VPS41: variants seen among roughly 807,000 people sequenced by gnomAD.
VPS41 encodes the protein vacuolar protein sorting-associated protein 41 homolog.
Under a neutral mutation model 130.9 loss-of-function variants are expected in VPS41, and 85 were observed. That is an observed-to-expected ratio of 0.65 (90% CI 0.55 to 0.78). VPS41 has a LOEUF of 0.78. VPS41 is among the 30% of genes least tolerant of loss of function. The pLI is 0.00. For missense variants in VPS41, 874 were observed against 1,018.7 expected, an observed-to-expected ratio of 0.86 and a Z score of 1.93; for synonymous variants, 335 against 332.9, an observed-to-expected ratio of 1.01 and a Z score of -0.07.
At chr7:38,787,472 A>G (rs1784460840) in intron 10 of VPS41, among the ~76,000 whole-genome samples, 2 of 152,238 alleles carry the variant, frequency 1.3e-5, no homozygotes, top group Admixed American at 1.3e-4. Flanking sequence ...AGCCCTATGT[A>G]TAGAGAATCT....
intron 16 of VPS41, 65 bp downstream of exon 16, chr7:38,765,515 G>T: frequency 9.1e-7 from 1 of 1,094,474 alleles, no homozygotes; most frequent in Non-Finnish European, 1.3e-6. Context: ...TATTATCTTT[G>T]TTTCCACTGC....
At chr7:38,839,687 T>G (rs1343811886) in intron 4 of VPS41, among the ~76,000 whole-genome samples, 1 of 152,110 alleles carries the variant, frequency 6.6e-6, no homozygotes, top group Admixed American at 6.5e-5. Context: ...CGCCTCGGCC[T>G]CCCAAAGTGC....
At chr7:38,791,686 G>A (rs1407998106) in intron 9 of VPS41, among the ~76,000 whole-genome samples, 4 of 152,136 alleles carry the variant, frequency 2.6e-5, no homozygotes, top group Non-Finnish European at 5.9e-5. Flanking sequence ...AGGGCATGGG[G>A]GAAGAAGGGG....
At position 38,754,691 on chromosome 7, in the gene VPS41, G is replaced by T. The variant is rs760811325; in HGVS notation, c.1788+11C>A. On this transcript the variant is annotated intron_variant, in intron 21 of 28. Coordinates refer to ENST00000310301, the MANE Select transcript of VPS41 (RefSeq NM_014396.4). ...ATCAAAAGGGCAAAAGGAGGAGACT[G>T]CCATGCTCACCACATGCTGTAGCTC... 1.5e-5 allele frequency: 24 copies of T among 1,611,898 alleles called. No homozygotes were observed. The Admixed American group carries it at 4.0e-4, about 27-fold the overall frequency.
chr7:38,871,250 G>A (rs1237828687), intron 2 of VPS41, among the ~76,000 whole-genome samples: 1 of 152,220 alleles, frequency 6.6e-6, no homozygotes. Flanking sequence ...ACGACTTGTA[G>A]AGTAATAAGT....
intron 5 of VPS41, among the ~76,000 whole-genome samples, chr7:38,828,463 C>T (rs1016095184): frequency 1.3e-5 from 2 of 152,064 alleles, no homozygotes; most frequent in African/African-American, 4.8e-5. Context: ...CCTTAACACA[C>T]TGAAGAAAGG....
chr7:38,825,658 A>T (rs1279083422), intron 5 of VPS41, among the ~76,000 whole-genome samples: 1 of 152,204 alleles, frequency 6.6e-6, no homozygotes, highest in Non-Finnish European at 1.5e-5. Flanking sequence ...CCTAATGAAG[A>T]AAAAGAGAAA....
chr7:38,886,582 G>A (rs991552369), intron 2 of VPS41, among the ~76,000 whole-genome samples: 2 of 152,206 alleles, frequency 1.3e-5, no homozygotes, highest in South Asian at 4.1e-4. Flanking sequence ...TTCCACCTCT[G>A]GGGGCAGGGT....
intron 18 of VPS41, among the ~76,000 whole-genome samples, chr7:38,757,339 C>A (rs1049012805): frequency 1.3e-5 from 2 of 152,086 alleles, no homozygotes; most frequent in Admixed American, 1.3e-4. Flanking sequence ...ACATCCGTTC[C>A]AATTCTTACA....
chr7:38,759,947 C>CAT (rs1490990655), intron 17 of VPS41, among the ~76,000 whole-genome samples: 1 of 152,146 alleles, frequency 6.6e-6, no homozygotes, highest in Admixed American at 6.5e-5. Context: ...AACAAGTCAC[C>CAT]ATCTTGGTCC....
intron 3 of VPS41, among the ~76,000 whole-genome samples, chr7:38,863,613 G>T (rs1004880311): frequency 2.6e-5 from 4 of 152,158 alleles, no homozygotes; most frequent in African/African-American, 9.7e-5. Context: ...CACAAAAAGG[G>T]AAAGAAGGAG....
rs1405503214 is a variant in VPS41, at chr7:38,816,382, T to C, written c.450+1435A>G. On this transcript the variant is annotated intron_variant, in intron 7 of 28. Coordinates refer to ENST00000310301, the MANE Select transcript of VPS41 (RefSeq NM_014396.4). ...CGAGTCATGTAATGACCAGAAGGTT[T>C]TCCCGCCCTATCATTCTATTAACTA... 2.6e-5 allele frequency among the ~76,000 whole-genome samples: 4 copies of C among 152,168 alleles called. No individual in the cohort carries two copies. The East Asian group carries it at 7.7e-4, about 29-fold the overall frequency.
intron 2 of VPS41, among the ~76,000 whole-genome samples, chr7:38,882,325 C>G (rs1485066496): frequency 6.6e-6 from 1 of 152,204 alleles, no homozygotes; most frequent in Non-Finnish European, 1.5e-5. Context: ...CTTTTCCTAC[C>G]TCACTGGTTA....
chr7:38,896,138 G>A (rs1278099569), intron 2 of VPS41, among the ~76,000 whole-genome samples: 2 of 152,198 alleles, frequency 1.3e-5, no homozygotes, highest in Non-Finnish European at 2.9e-5. Flanking sequence ...TGGAGCATGT[G>A]TGGAAAGATT....
At chr7:38,900,288 T>C (rs1787113072) in intron 1 of VPS41, among the ~76,000 whole-genome samples, 1 of 151,952 alleles carries the variant, frequency 6.6e-6, no homozygotes, top group Non-Finnish European at 1.5e-5. Context: ...AACAAAATTA[T>C]CTTAAGTGAA....
At chr7:38,840,555 C>T (rs1006299183) in intron 4 of VPS41, among the ~76,000 whole-genome samples, 1 of 152,082 alleles carries the variant, frequency 6.6e-6, no homozygotes, top group African/African-American at 2.4e-5. Context: ...AGTCTGACTT[C>T]ACAGCAATAT....
chr7:38,770,045 C>T (rs1051825329), intron 14 of VPS41, among the ~76,000 whole-genome samples: 8 of 152,052 alleles, frequency 5.3e-5, no homozygotes, highest in Non-Finnish European at 1.0e-4. Flanking sequence ...CGAGGCAAGC[C>T]GATCACCTGA....
rs766013130 is a variant in VPS41 at position 38,789,844 on chromosome 7, A to T, written c.741T>A (p.His247Gln). The change falls in exon 10 of 29, where the codon CAT becomes CAA. Residue 247 changes from histidine to glutamine, a missense_variant. By Grantham distance (24) the His-to-Gln change is conservative. Transcript: ENST00000310301. The part of the protein sequence containing the change: ...SVKVCSVKER[H>Q]ASEMRDLPSR... The stretch of plus-strand genomic sequence containing the variant: ...TTGGCAAATCCCTCATTTCACTGGC[A>T]TGCCGTTCCTTCACTGAGCACACCT... 1 of 1,613,808 alleles carries T rather than the reference A, an allele frequency of 6.2e-7. No homozygotes were observed. The highest frequency in any genetic ancestry group is 2.2e-5 in the East Asian group (1 of 44,876).
At chr7:38,796,448 C>G (rs543309231) in intron 8 of VPS41, 235 of 507,530 alleles carry the variant, frequency 4.6e-4, no homozygotes, top group African/African-American at 4.2e-3. Flanking sequence ...TTTTCAAGAC[C>G]CATTCCCAAT....
Sources: gnomAD v4.1 joint callset for allele counts (sites outside exome capture counted in the v4.1 genomes callset) on GRCh38, gnomAD v4.1.1 for gene constraint, MANE v1.5 for transcripts, NCBI Gene and HGNC (gene_info 2026-07-23, HGNC 2026-07-21) for gene names.